Variants in OGDHL observed in about 807,000 individuals in gnomAD.
The protein encoded by OGDHL is 2-oxoglutarate dehydrogenase-like, mitochondrial.
A neutral mutation model predicts 109.6 loss-of-function variants in OGDHL; 79 were observed. The observed-to-expected ratio is 0.72, with a 90% CI of 0.60 to 0.87. The LOEUF (loss-of-function observed/expected upper bound fraction) is 0.87. Ranked by LOEUF, OGDHL falls within the 40% of genes least tolerant of loss-of-function variation. OGDHL has a pLI of 0.00. For missense variants in OGDHL, 1,275 were observed against 1,362.2 expected (o/e 0.94, Z 1.01); for synonymous variants, 528 against 537.2 (o/e 0.98, Z 0.24).
chr10:49,759,052 G>A (rs1170355463), intron 1 of OGDHL, among the ~76,000 whole-genome samples: 1 of 152,166 alleles, frequency 6.6e-6, no homozygotes, highest in East Asian at 1.9e-4. Flanking sequence ...GGGGTCAGGT[G>A]TGTTGTGCAT....
At position 49,738,271 on chromosome 10, in the gene OGDHL, A is replaced by G; in HGVS notation, c.2320-9T>C. Reference sequence around the variant, plus strand: ...GACGAGTGCTCTGGGCCCTGAAAGCAAACGCCAGACAGCCAAGGCTGGACC... The same window carrying G: ...GACGAGTGCTCTGGGCCCTGAAAGCGAACGCCAGACAGCCAAGGCTGGACC... On this transcript the variant is annotated splice_polypyrimidine_tract_variant and intron_variant, in intron 17 of 22. Transcript: ENST00000374103. 2 of 1,612,392 alleles carry G rather than the reference A, an allele frequency of 1.2e-6. No homozygotes were observed. Among genetic ancestry groups the G allele is most frequent in the Non-Finnish European group, 1.7e-6 (2 of 1,179,998 alleles).
intron 14 of OGDHL, 100 bp from the exon 15 acceptor site, chr10:49,743,078 T>A (rs1700231604): frequency 2.1e-6 from 3 of 1,432,290 alleles, no homozygotes; most frequent in Admixed American, 4.5e-5. Context: ...AGGGCAGCCA[T>A]CTGTTGATTT....
At position 49,752,141 on chromosome 10, in the gene OGDHL, G is replaced by A. The variant is rs571841376; in HGVS notation, c.586C>T (p.Arg196Cys). The change falls in exon 5 of 23, where the codon CGC becomes TGC. Residue 196 changes from arginine (R) to cysteine (C), a missense_variant. Transcript: ENST00000374103. Reference protein sequence around the residue: ...NTLSLREIIRRLENTYCQHIG... With the variant: ...NTLSLREIIRCLENTYCQHIG... ...CACCCGCCTGTGCTCACCTCCAGGCGCCGAATGATCTCCCGCAGAGAGAGG... is the reference window on the plus strand; with the variant it reads ...CACCCGCCTGTGCTCACCTCCAGGCACCGAATGATCTCCCGCAGAGAGAGG... 21 of 1,613,940 alleles carry A rather than the reference G, an allele frequency of 1.3e-5. No individual in the cohort carries two copies. The Admixed American group carries it at 1.3e-4, about 10-fold the overall frequency.
chr10:49,744,709 C>A lies in OGDHL; in HGVS notation c.1673G>T (p.Gly558Val). ...KYDRICEEAY[G>V]RSKDKKILHI... ...CAGAATCTTTTTATCCTTGGACCTG[C>A]CATAAGCCTCCTCACAGATCCGGTC... The change falls in exon 13 of 23, where the codon GGC becomes GTC. Residue 558 changes from glycine (G) to valine (V), a missense_variant. Coordinates refer to ENST00000374103, the MANE Select transcript of OGDHL (RefSeq NM_018245.3). The A allele has an allele frequency of 6.2e-7, 1 of 1,614,168 alleles. No homozygotes were observed. The highest frequency in any genetic ancestry group is 8.5e-7 in the Non-Finnish European group (1 of 1,180,024).
At position 49,742,845 on chromosome 10, in the gene OGDHL, C is replaced by A. The variant is rs147924096; in HGVS notation, c.1995G>T (p.Val665=). The part of the protein sequence containing the change: ...GIHVRLSGQD[V]ERGTFSHRHH... ...GCGCTCACCTGAATGTGCCCCTCTC[C>A]ACATCCTGCCCGCTGAGCCGCACGT... The change falls in exon 15 of 23, where the codon GTG becomes GTT. Residue 665 remains valine (V), a synonymous_variant. Coordinates refer to ENST00000374103, the MANE Select transcript of OGDHL (RefSeq NM_018245.3). 6.2e-6 allele frequency: 10 copies of A among 1,613,248 alleles called. No individual in the cohort carries two copies. The African/African-American group carries it at 1.3e-4, about 22-fold the overall frequency.
At chr10:49,753,280 C>A (rs1471650447) in intron 3 of OGDHL, among the ~76,000 whole-genome samples, 2 of 151,860 alleles carry the variant, frequency 1.3e-5, no homozygotes, top group South Asian at 2.1e-4. Context: ...TTTAAAAAAA[C>A]CACAACATAA....
At chr10:49,757,999 CTT>C (rs1466553678) in intron 2 of OGDHL, among the ~76,000 whole-genome samples, 1 of 152,208 alleles carries the variant, frequency 6.6e-6, no homozygotes, top group Non-Finnish European at 1.5e-5. Flanking sequence ...CAGAGAACAA[CTT>C]CACTTTTCAC....
chr10:49,738,648 A>C, intron 17 of OGDHL: 1 of 274,938 alleles, frequency 3.6e-6, no homozygotes. Context: ...TGATGCAGAC[A>C]CTCTTCCCCA....
At chr10:49,758,662 C>A in intron 1 of OGDHL, 69 bp from the exon 2 acceptor site, 1 of 1,490,506 alleles carries the variant, frequency 6.7e-7, no homozygotes, top group Non-Finnish European at 9.2e-7. Flanking sequence ...TACCAAGCCA[C>A]TGTCCGCTCA....
At position 49,744,259 on chromosome 10, in the gene OGDHL, T is replaced by C. The variant is rs564724909; in HGVS notation, c.1733-137A>G. 6.1e-6 allele frequency: 7 copies of C among 1,139,974 alleles called. No individual in the cohort carries two copies. The African/African-American group carries it at 7.7e-5, about 13-fold the overall frequency. The allele number at this position is 1,139,974 out of a possible 1,614,324, so 70.6% of individuals were successfully genotyped here. A position where few individuals can be genotyped will look rare whatever the true frequency, so the allele number is the denominator to read the frequency against. On this transcript the variant is annotated intron_variant, in intron 13 of 22. Transcript: ENST00000374103. ...ACTCGGACTCACCCTGAGCCCACCC[T>C]TGGGACCTGGGACAGCTGGACAGCC... is the stretch of plus-strand genomic sequence containing the variant.
At chr10:49,761,562 T>A (rs1401108803) in intron 1 of OGDHL, among the ~76,000 whole-genome samples, 1 of 152,240 alleles carries the variant, frequency 6.6e-6, no homozygotes, top group Admixed American at 6.5e-5. Flanking sequence ...AGTTGGGGCC[T>A]GTTCCAAGAC....
At chr10:49,749,945 A>C in intron 7 of OGDHL, 129 bp from the exon 8 acceptor site, 2 of 686,824 alleles carry the variant, frequency 2.9e-6, no homozygotes, top group South Asian at 1.7e-5. Flanking sequence ...AGGCCACCCA[A>C]TCACCAGGCA....
intron 16 of OGDHL, 120 bp from the exon 17 acceptor site, chr10:49,739,959 G>A (rs953129086): frequency 4.8e-6 from 5 of 1,031,688 alleles, no homozygotes; most frequent in African/African-American, 3.2e-5. Flanking sequence ...CACAAGCCAG[G>A]ACGAACCCAG....
chr10:49,737,580 G>T (rs923330265), intron 20 of OGDHL, among the ~76,000 whole-genome samples: 1 of 152,172 alleles, frequency 6.6e-6, no homozygotes, highest in Admixed American at 6.5e-5. Flanking sequence ...CTCTACCATG[G>T]ACGCAACCCA....
chr10:49,761,387 C>A (rs996589644), intron 1 of OGDHL, among the ~76,000 whole-genome samples: 1 of 152,236 alleles, frequency 6.6e-6, no homozygotes, highest in Admixed American at 6.5e-5. Context: ...CCCTAATGCA[C>A]CCATTGCAGA....
intron 8 of OGDHL, among the ~76,000 whole-genome samples, chr10:49,748,647 T>C (rs1258174): frequency 1 from 152,182 of 152,186 alleles, 76,089 homozygotes; most frequent in Non-Finnish European, 1. Flanking sequence ...CCCTGTTTTA[T>C]GGAAGAGCAA....
chr10:49,756,829 T>C lies in OGDHL; in HGVS notation c.322A>G (p.Ser108Gly). 1 of 1,613,998 alleles carries C rather than the reference T, an allele frequency of 6.2e-7. No homozygotes were observed. The highest frequency in any genetic ancestry group is 8.5e-7 in the Non-Finnish European group (1 of 1,179,928). Residue 108 changes from serine to glycine, a missense_variant, in exon 3 of 23, where the codon AGC (serine) becomes GGC (glycine). Coordinates refer to ENST00000374103, the MANE Select transcript of OGDHL (RefSeq NM_018245.3). Reference sequence around the variant, plus strand: ...GCCAGGTGGTCCTCCACCAATTTGCTGGTCTTGGTCCGACTTGAGACTGCA... The same window carrying C: ...GCCAGGTGGTCCTCCACCAATTTGCCGGTCTTGGTCCGACTTGAGACTGCA... ...RSAVSSRTKT[S>G]KLVEDHLAVQ...
At chr10:49,737,607 C>T (rs2132942878) in intron 20 of OGDHL, among the ~76,000 whole-genome samples, 179 bp downstream of exon 20, 1 of 152,272 alleles carries the variant, frequency 6.6e-6, no homozygotes, top group East Asian at 1.9e-4. Context: ...CTGAGCTGGC[C>T]CAGGTCAGCC....
chr10:49,745,087 C>T (rs1003461389), intron 12 of OGDHL, among the ~76,000 whole-genome samples: 19 of 152,202 alleles, frequency 1.2e-4, no homozygotes, highest in Non-Finnish European at 1.5e-4. Flanking sequence ...GGGCTGCCTC[C>T]TACAGGAAGC....
Sources: allele counts gnomAD v4.1 joint callset (sites outside exome capture counted in the v4.1 genomes callset), GRCh38; gene constraint gnomAD v4.1.1; transcripts MANE v1.5; gene names NCBI Gene and HGNC (gene_info 2026-07-23, HGNC 2026-07-21).